The following XKR5 variants were observed in gnomAD, a reference collection of about 807,000 sequenced individuals.
XKR5 encodes the protein XK-related protein 5.
XKR5 carries 46 observed loss-of-function variants against 40.8 expected under a neutral mutation model. The ratio of observed to expected loss-of-function variants is 1.13; its 90% confidence interval spans 0.89 to 1.44. The LOEUF is 1.44. Among genes scored for constraint, XKR5 ranks in the 40% most tolerant of loss-of-function variants. The pLI is 0.00. For missense variants in XKR5, 1,169 were observed against 844.7 expected (o/e 1.38, Z -4.76); for synonymous variants, 466 against 356.1 (o/e 1.31, Z -3.48).
chr8:6,812,702 A>G (rs1298775187), intron 6 of XKR5, among the ~76,000 whole-genome samples: 1 of 152,178 alleles, frequency 6.6e-6, no homozygotes, highest in Admixed American at 6.5e-5. Context: ...AGAAATAAGC[A>G]TTCTACTTTC....
intron 2 of XKR5, among the ~76,000 whole-genome samples, chr8:6,825,758 T>C (rs1804444353): frequency 6.6e-6 from 1 of 152,170 alleles, no homozygotes; most frequent in Non-Finnish European, 1.5e-5. Flanking sequence ...CTGTGTGTTA[T>C]CATCTCTTTG....
chr8:6,831,584 C>G (rs1445429944), intron 2 of XKR5, among the ~76,000 whole-genome samples: 1 of 152,174 alleles, frequency 6.6e-6, no homozygotes, highest in Non-Finnish European at 1.5e-5. Flanking sequence ...GAATAGCTTG[C>G]AGGCATAAAC....
intron 1 of XKR5, among the ~76,000 whole-genome samples, chr8:6,833,734 T>A (rs573872715): frequency 1.3e-5 from 2 of 149,826 alleles, no homozygotes; most frequent in African/African-American, 5.1e-5. Context: ...AACAAAACAG[T>A]AACCAACCAA....
intron 5 of XKR5, among the ~76,000 whole-genome samples, chr8:6,817,891 C>T (rs1361641977): frequency 6.6e-6 from 1 of 152,168 alleles, no homozygotes. Context: ...TTTCTGCTCC[C>T]AGCAAGTGAC....
intron 1 of XKR5, 81 bp from the exon 2 acceptor site, chr8:6,832,981 T>C: frequency 2.4e-6 from 3 of 1,261,350 alleles, no homozygotes; most frequent in Non-Finnish European, 3.2e-6. Context: ...CAACTGAACA[T>C]TTTCTGGATG....
intron 5 of XKR5, among the ~76,000 whole-genome samples, chr8:6,820,448 A>C (rs538258689): frequency 1.3e-5 from 2 of 152,366 alleles, no homozygotes; most frequent in East Asian, 3.9e-4. Context: ...CTGACATGTG[A>C]GTGTGACAAA....
At chr8:6,835,390 G>T (rs957203712) in intron 1 of XKR5, 46 bp downstream of exon 1, 2 of 1,391,674 alleles carry the variant, frequency 1.4e-6, no homozygotes, top group Non-Finnish European at 1.9e-6. Context: ...CCGGGGTGGG[G>T]TTAGGGGCTG....
intron 1 of XKR5, 123 bp from the exon 2 acceptor site, chr8:6,833,023 G>T: frequency 4.4e-6 from 4 of 910,826 alleles, no homozygotes; most frequent in Non-Finnish European, 6.2e-6. Context: ...AAATCTTTCT[G>T]GCTGGGGAGT....
intron 3 of XKR5, among the ~76,000 whole-genome samples, chr8:6,824,176 G>T (rs990829309): frequency 6.6e-6 from 1 of 152,176 alleles, no homozygotes; most frequent in Admixed American, 6.5e-5. Context: ...AACATCAAAT[G>T]GTGTCAGGCT....
chr8:6,823,832 T>A, intron 3 of XKR5, 102 bp from the exon 4 acceptor site: 2 of 1,034,040 alleles, frequency 1.9e-6, no homozygotes, highest in Admixed American at 4.2e-5. Flanking sequence ...ATGTGTAACC[T>A]CTTGTTAAAG....
rs763390745 is a variant in XKR5, at chr8:6,825,365, G to A, written c.243-16C>T. The A allele has an allele frequency of 1.3e-6, 2 of 1,515,440 alleles. No homozygotes were observed. The highest frequency in any genetic ancestry group is 2.6e-5 in the Admixed American group (1 of 38,640). The allele number at this position is 1,515,440 out of a possible 1,614,324, so 93.9% of individuals were successfully genotyped here. ...GTCCCAGTGCCTAGGGAACAGCAGA[G>A]GGCACGTGACACGGAGCCAGGCTGT... On this transcript the variant is annotated splice_polypyrimidine_tract_variant and intron_variant, in intron 2 of 6. Coordinates refer to ENST00000618742, the MANE Select transcript of XKR5 (RefSeq NM_207411.5).
intron 2 of XKR5, among the ~76,000 whole-genome samples, chr8:6,826,210 A>C (rs1804469451): frequency 1.3e-5 from 2 of 152,142 alleles, no homozygotes; most frequent in South Asian, 4.1e-4. Context: ...ATGCATATGT[A>C]TATAGGCATT....
rs534700513 is a variant in XKR5, at chr8:6,810,987, T to G, written c.*211A>C. ...CTCCTCTAAAGTATGTTAGAGTCTC[T>G]CCTATGCATGGGTGGGGTCTGTGAT... is the stretch of plus-strand genomic sequence containing the variant. On this transcript the variant is annotated 3_prime_UTR_variant, in exon 7 of 7. Transcript: ENST00000618742. 3.7e-5 allele frequency: 20 copies of G among 533,374 alleles called. No homozygotes were observed. The African/African-American group carries it at 3.8e-4, about 10-fold the overall frequency. The allele number at this position is 533,374 out of a possible 1,614,324, so 33.0% of individuals were successfully genotyped here.
intron 2 of XKR5, among the ~76,000 whole-genome samples, chr8:6,829,001 G>A (rs1015275311): frequency 6.6e-6 from 1 of 152,190 alleles, no homozygotes; most frequent in Non-Finnish European, 1.5e-5. Context: ...GCAGCTTGCT[G>A]TGTCGGAAAC....
At position 6,825,200 on chromosome 8, in the gene XKR5, A is replaced by G; in HGVS notation, c.392T>C (p.Val131Ala). The G allele has an allele frequency of 6.2e-7, 1 of 1,613,362 alleles. No individual in the cohort carries two copies. Among genetic ancestry groups the G allele is most frequent in the South Asian group, 1.1e-5 (1 of 90,920 alleles). The change falls in exon 3 of 7, where the codon GTT becomes GCT. Residue 131 changes from valine (V) to alanine (A), a missense_variant. Transcript: ENST00000618742. The stretch of plus-strand genomic sequence containing the variant: ...ATCTGTGAAGTCTGAGGCTAGAAAA[A>G]CATATGTCTGAAGCAGCAGGTGGGG... ...TGPHLLLQTY[V>A]FLASDFTDIV...
chr8:6,828,690 G>A (rs1463907416), intron 2 of XKR5, among the ~76,000 whole-genome samples: 1 of 152,180 alleles, frequency 6.6e-6, no homozygotes, highest in African/African-American at 2.4e-5. Context: ...ATTTCTGGCT[G>A]CCTGCATGGA....
At chr8:6,813,584 C>G (rs967210719) in intron 6 of XKR5, among the ~76,000 whole-genome samples, 2 of 152,168 alleles carry the variant, frequency 1.3e-5, no homozygotes, top group African/African-American at 4.8e-5. Context: ...AATTTGGGTT[C>G]AATCTTCCTG....
intron 5 of XKR5, among the ~76,000 whole-genome samples, chr8:6,820,336 A>T (rs1022454290): frequency 6.6e-6 from 1 of 152,078 alleles, no homozygotes; most frequent in African/African-American, 2.4e-5. Flanking sequence ...ATCGCTCTTG[A>T]CTCAGTGATC....
intron 5 of XKR5, among the ~76,000 whole-genome samples, chr8:6,816,577 ATAAG>A (rs1340008275): frequency 6.6e-6 from 1 of 151,730 alleles, no homozygotes; most frequent in Non-Finnish European, 1.5e-5. Flanking sequence ...CTTCATTAAA[ATAAG>A]TAAACAAATG....
Sources: allele counts gnomAD v4.1 joint callset (sites outside exome capture counted in the v4.1 genomes callset), GRCh38; gene constraint gnomAD v4.1.1; transcripts MANE v1.5; gene names NCBI Gene and HGNC (gene_info 2026-07-23, HGNC 2026-07-21).